Variants in PHIP observed in about 807,000 individuals in gnomAD.
PHIP encodes PH-interacting protein.
PHIP carries 54 observed loss-of-function variants against 236.8 expected under a neutral mutation model. The observed-to-expected ratio is 0.23, with a 90% CI of 0.18 to 0.29. The LOEUF (loss-of-function observed/expected upper bound fraction) is 0.29, where lower values mean the gene tolerates loss of function less well. Among genes scored for constraint, PHIP ranks in the 10% least tolerant of loss-of-function variants. The pLI is 1.00. For synonymous variants in PHIP, 756 were observed against 718.9 expected, an observed-to-expected ratio of 1.05 and a Z score of -0.83; for missense variants, 1,370 against 2,190.8, an observed-to-expected ratio of 0.63 and a Z score of 7.48.
At chr6:78,972,604 A>G (rs1304655400) in intron 24 of PHIP, among the ~76,000 whole-genome samples, 2 of 152,164 alleles carry the variant, frequency 1.3e-5, no homozygotes, top group African/African-American at 4.8e-5. Flanking sequence ...CATTCAAACC[A>G]AAGGCAAAGA....
At chr6:79,008,544 T>C (rs191223238) in intron 15 of PHIP, among the ~76,000 whole-genome samples, 2 of 151,852 alleles carry the variant, frequency 1.3e-5, no homozygotes, top group Admixed American at 1.3e-4. Flanking sequence ...TTTTGGTCTT[T>C]TTGGCATATT....
chr6:78,952,643 A>G lies in PHIP; in HGVS notation c.4053+2171T>C, dbSNP rs374807713. Among the ~76,000 whole-genome samples, 3 of 151,982 alleles carry G rather than the reference A, an allele frequency of 2.0e-5. No homozygotes were observed. The East Asian group carries it at 5.8e-4, about 29-fold the overall frequency. On this transcript the variant is annotated intron_variant, in intron 35 of 39. Coordinates refer to ENST00000275034, the MANE Select transcript of PHIP (RefSeq NM_017934.7). ...GTGGGATTCTATAGAATTTGCTTAG[A>G]TCTTTACACTTACTATCTCTTTAGT...
chr6:79,058,544 A>G (rs1489992624), intron 6 of PHIP, among the ~76,000 whole-genome samples: 2 of 152,148 alleles, frequency 1.3e-5, no homozygotes, highest in Non-Finnish European at 2.9e-5. Flanking sequence ...TAATGGAGTC[A>G]AACAGTCTGG....
Position 78,938,804 on chromosome 6 carries a change from A to G in PHIP, c.*1889T>C, listed in dbSNP as rs1773365755. The G allele has an allele frequency of 6.6e-6, 1 of 151,698 alleles. No individual in the cohort carries two copies. The highest frequency in any genetic ancestry group is 2.4e-5 in the African/African-American group (1 of 41,416). The allele number at this position is 151,698 out of a possible 1,614,324, so 9.4% of individuals were successfully genotyped here. A position where few individuals can be genotyped will look rare whatever the true frequency, so the allele number is the denominator to read the frequency against. ...AATGGTTTACTTAATTTCACAGGAG[A>G]ATTTCTGTACAAATTTAGTTACAAA... On this transcript the variant is annotated 3_prime_UTR_variant, in exon 40 of 40. Transcript: ENST00000275034.
intron 4 of PHIP, among the ~76,000 whole-genome samples, chr6:79,066,849 A>G (rs1773646955): frequency 6.6e-6 from 1 of 152,194 alleles, no homozygotes; most frequent in Non-Finnish European, 1.5e-5. Context: ...CCCATGTATC[A>G]GTAGTGCTCA....
At chr6:78,958,862 G>A (rs1160099293) in intron 31 of PHIP, among the ~76,000 whole-genome samples, 1 of 152,064 alleles carries the variant, frequency 6.6e-6, no homozygotes, top group Non-Finnish European at 1.5e-5. Context: ...TTGGGAGGGA[G>A]AACGTCTATA....
intron 15 of PHIP, 38 bp downstream of exon 15, chr6:79,015,044 A>C: frequency 6.4e-7 from 1 of 1,564,490 alleles, no homozygotes; most frequent in Non-Finnish European, 8.8e-7. Flanking sequence ...AAGCTCCCAA[A>C]TCTTTAGTAG....
chr6:79,069,252 GGC>G (rs1393822410), intron 4 of PHIP, among the ~76,000 whole-genome samples: 15 of 149,800 alleles, frequency 1.0e-4, no homozygotes, highest in African/African-American at 3.7e-4. Flanking sequence ...TACTGTGTAA[GGC>G]CTATATTAAA....
At chr6:79,068,047 G>GT (rs1773711672) in intron 4 of PHIP, 1 of 157,686 alleles carries the variant, frequency 6.3e-6, no homozygotes, top group South Asian at 2.0e-4. Flanking sequence ...GGAAGGTATT[G>GT]TTAAAAGGCA....
chr6:79,015,249 GA>G (rs1197600586), intron 14 of PHIP, 33 bp from the exon 15 acceptor site: 31 of 1,532,790 alleles, frequency 2.0e-5, no homozygotes, highest in Non-Finnish European at 2.8e-5. Context: ...AAGAATCATA[GA>G]TATTAAAAAA....
At chr6:79,030,627 T>G (rs1771620984) in intron 7 of PHIP, among the ~76,000 whole-genome samples, 1 of 152,206 alleles carries the variant, frequency 6.6e-6, no homozygotes, top group Non-Finnish European at 1.5e-5. Context: ...AGCCAGATCC[T>G]GCTAATGTTT....
At chr6:78,965,799 T>C in intron 28 of PHIP, 35 bp from the exon 29 acceptor site, 1 of 1,262,972 alleles carries the variant, frequency 7.9e-7, no homozygotes, top group Non-Finnish European at 1.1e-6. Flanking sequence ...TTAAAAAATC[T>C]AAATTATTGT....
In PHIP at chr6:78,937,084, T is replaced by C. The variant is rs960600638; in HGVS notation, c.*3609A>G. 6.6e-6 allele frequency: 1 copy of C among 151,788 alleles called. No individual in the cohort carries two copies. The highest frequency in any genetic ancestry group is 1.9e-4 in the East Asian group (1 of 5,202). 9.4% of individuals were successfully genotyped at this position (151,788 alleles called of 1,614,324 possible). ...TCCCCTATTATGACTTTTAAAATCA[T>C]GTAACTCCTGCATATAAGCAGAACA... On this transcript the variant is annotated 3_prime_UTR_variant, in exon 40 of 40. Transcript: ENST00000275034.
chr6:79,040,535 T>A (rs1338621148), intron 7 of PHIP, among the ~76,000 whole-genome samples: 1 of 152,142 alleles, frequency 6.6e-6, no homozygotes. Context: ...ACAGGAGTGT[T>A]TCACTGGTCA....
intron 24 of PHIP, among the ~76,000 whole-genome samples, chr6:78,973,377 G>C (rs1368792964): frequency 1.3e-5 from 2 of 150,162 alleles, no homozygotes; most frequent in African/African-American, 4.9e-5. Flanking sequence ...CCTGAAGGAA[G>C]CGCTAAACAT....
intron 35 of PHIP, among the ~76,000 whole-genome samples, chr6:78,951,134 C>A (rs1774118013): frequency 6.6e-6 from 1 of 152,000 alleles, no homozygotes; most frequent in African/African-American, 2.4e-5. Context: ...GTTAACAAGT[C>A]CTTGGAGATT....
At chr6:79,077,763 C>T in intron 2 of PHIP, 34 bp from the exon 3 acceptor site, 1 of 980,794 alleles carries the variant, frequency 1.0e-6, no homozygotes, top group Non-Finnish European at 1.2e-6. Flanking sequence ...CTGAGCCCCG[C>T]GCCCCGGGCC....
chr6:78,984,750 C>T (rs1419381517), intron 22 of PHIP, among the ~76,000 whole-genome samples: 1 of 152,138 alleles, frequency 6.6e-6, no homozygotes, highest in East Asian at 1.9e-4. Flanking sequence ...CTACTTCATA[C>T]TTTGTCTCGT....
intron 7 of PHIP, among the ~76,000 whole-genome samples, chr6:79,034,867 A>G (rs1248338800): frequency 6.6e-6 from 1 of 152,228 alleles, no homozygotes; most frequent in Non-Finnish European, 1.5e-5. Context: ...GAAATCAACG[A>G]CTAACATTGA....
Sources: allele counts gnomAD v4.1 joint callset (sites outside exome capture counted in the v4.1 genomes callset), GRCh38; gene constraint gnomAD v4.1.1; transcripts MANE v1.5; gene names NCBI Gene and HGNC (gene_info 2026-07-23, HGNC 2026-07-21).